Variants in PLCG2 observed in about 807,000 individuals in gnomAD.
PLCG2 encodes the protein phospholipase C gamma 2, also known as 1-phosphatidylinositol 4,5-bisphosphate phosphodiesterase gamma-2.
A neutral mutation model predicts 175.6 loss-of-function variants in PLCG2; 69 were observed. That is an observed-to-expected ratio of 0.39 (90% CI 0.32 to 0.48). PLCG2 has a LOEUF of 0.48. PLCG2 is among the 20% of genes least tolerant of loss of function. The pLI, the probability that PLCG2 is intolerant of heterozygous loss-of-function variation, is 0.91. For missense variants in PLCG2, 1,798 were observed against 1,650.9 expected (o/e 1.09, Z -1.54); for synonymous variants, 827 against 624.0 (o/e 1.33, Z -4.85).
At position 81,925,748 on chromosome 16, in the gene PLCG2, C is replaced by G. The variant is rs186631219; in HGVS notation, c.2418-1334C>G. ...ACTAAAAATACAAAAATTAGCCAGG[C>G]ATGGTGGCCCATGCCATAATCCCAG... On this transcript the variant is annotated intron_variant, in intron 22 of 32. Transcript: ENST00000564138. Among the ~76,000 whole-genome samples the G allele has an allele frequency of 2.6e-5, 4 of 152,222 alleles. No homozygotes were observed. In the East Asian group the frequency reaches 7.7e-4, roughly 29 times the overall value.
chr16:81,766,119 G>A (rs1276126302), intron 2 of PLCG2, among the ~76,000 whole-genome samples: 1 of 152,164 alleles, frequency 6.6e-6, no homozygotes, highest in Non-Finnish European at 1.5e-5. Flanking sequence ...CCTGGAGCTG[G>A]TTTGATTTTG....
chr16:81,807,210 TC>T (rs34261675), intron 2 of PLCG2, among the ~76,000 whole-genome samples: 36,249 of 152,096 alleles, frequency 0.24, 5,761 homozygotes, highest in East Asian at 0.74. Context: ...CCATGTCTTG[TC>T]CCAGCGGTGT....
rs533802481 is a variant in PLCG2 at position 81,959,329 on chromosome 16, T to C, written c.*1331T>C. 1.7e-4 allele frequency: 38 copies of C among 222,740 alleles called. No homozygotes were observed. The highest frequency in any genetic ancestry group is 1.7e-3 in the South Asian group (9 of 5,446). 13.8% of individuals were successfully genotyped at this position (222,740 alleles called of 1,614,324 possible). ...AATGCTGGGCTTAGTATGCATGTAC[T>C]GCTGAAAAGCAGGGCAGAACAAATC... On this transcript the variant is annotated 3_prime_UTR_variant, in exon 33 of 33. Coordinates refer to ENST00000564138, the MANE Select transcript of PLCG2 (RefSeq NM_002661.5).
At chr16:81,941,354 GCAGGTTCCTGGACCCACCA>G (rs1910931540) in intron 30 of PLCG2, among the ~76,000 whole-genome samples, 1 of 152,156 alleles carries the variant, frequency 6.6e-6, no homozygotes, top group Non-Finnish European at 1.5e-5. Flanking sequence ...AGAAGAAAGT[GCAGGTTCCTGGACCCACCA>G]CAGGGTGATG....
chr16:81,856,349 C>T (rs909756791), intron 3 of PLCG2, among the ~76,000 whole-genome samples: 1 of 151,920 alleles, frequency 6.6e-6, no homozygotes. Context: ...GTTAAGTAAC[C>T]TCCTGAATGT....
At chr16:81,778,046 A>ACAAACAAACAAAC (rs1567457806), upstream of PLCG2, among the ~76,000 whole-genome samples, 48 of 89,314 alleles carry the variant, frequency 5.4e-4, 1 homozygote, top group East Asian at 1.3e-3. Flanking sequence ...AAAAAAACAA[A>ACAAACAAACAAAC]AAAAAAAACA....
intron 2 of PLCG2, among the ~76,000 whole-genome samples, chr16:81,790,789 T>C (rs991422607): frequency 6.6e-6 from 1 of 151,852 alleles, no homozygotes; most frequent in Non-Finnish European, 1.5e-5. Flanking sequence ...TACTCCAGGG[T>C]AGGGGGCATT....
At chr16:81,882,520 A>G (rs530594527) in intron 8 of PLCG2, among the ~76,000 whole-genome samples, 69 of 152,062 alleles carry the variant, frequency 4.5e-4, no homozygotes, top group South Asian at 1.9e-3. Flanking sequence ...CTCTCCCTCT[A>G]CGGGCGGGTG....
At chr16:81,860,597 T>C (rs1906932781) in intron 5 of PLCG2, among the ~76,000 whole-genome samples, 2 of 152,150 alleles carry the variant, frequency 1.3e-5, no homozygotes, top group African/African-American at 4.8e-5. Context: ...TTAAACTTGC[T>C]TTCTTTATGG....
At chr16:81,954,049 G>T (rs566204755) in intron 31 of PLCG2, among the ~76,000 whole-genome samples, 2 of 152,250 alleles carry the variant, frequency 1.3e-5, no homozygotes, top group Non-Finnish European at 1.5e-5. Context: ...TTGAGACAGG[G>T]TCTCATTGTC....
chr16:81,787,491 G>A (rs58758762), intron 2 of PLCG2, among the ~76,000 whole-genome samples: 299 of 139,756 alleles, frequency 2.1e-3, no homozygotes, highest in African/African-American at 7.5e-3. Context: ...GCCTCCCAAA[G>A]CATTGGGATT....
At chr16:81,919,162 C>G (rs12444459) in intron 19 of PLCG2, among the ~76,000 whole-genome samples, 91,701 of 152,028 alleles carry the variant, frequency 0.6, 28,074 homozygotes, top group East Asian at 0.78. Context: ...TGGTGGGACA[C>G]ATTTGGCCTA....
rs546724071 is a variant in PLCG2, at chr16:81,814,537, A to G, written c.193+28355A>G. 2.0e-4 allele frequency among the ~76,000 whole-genome samples: 31 copies of G among 152,246 alleles called. No homozygotes were observed. The South Asian group carries it at 5.8e-3, about 28-fold the overall frequency. On this transcript the variant is annotated intron_variant, in intron 2 of 32. Transcript: ENST00000564138. ...GTGAAATCCCATCTCTACTAAAACA[A>G]TACGAAAATTAGCCAGGCATGGTGG... is the stretch of plus-strand genomic sequence containing the variant.
At chr16:81,868,805 A>G (rs1050139905) in intron 5 of PLCG2, among the ~76,000 whole-genome samples, 3 of 152,242 alleles carry the variant, frequency 2.0e-5, no homozygotes, top group Non-Finnish European at 2.9e-5. Flanking sequence ...CTCCATGACC[A>G]TTCCTGAAGG....
intron 2 of PLCG2, among the ~76,000 whole-genome samples, chr16:81,792,604 G>A (rs1221241209): frequency 3.3e-5 from 5 of 152,036 alleles, no homozygotes; most frequent in Admixed American, 2.6e-4. Context: ...ATATGGCTGG[G>A]GAGGCCTCAG....
chr16:81,908,881 C>T (rs190020281), intron 17 of PLCG2, among the ~76,000 whole-genome samples: 1 of 152,300 alleles, frequency 6.6e-6, no homozygotes, highest in East Asian at 1.9e-4. Flanking sequence ...CAAGATCTGA[C>T]CCTACTCTTA....
Position 81,895,746 on chromosome 16 carries a change from C to A in PLCG2, c.1073-61C>A, listed in dbSNP as rs989345760. 3.1e-6 allele frequency: 5 copies of A among 1,598,736 alleles called. No individual in the cohort carries two copies. In the African/African-American group the frequency reaches 6.7e-5, roughly 21 times the overall value. On this transcript the variant is annotated intron_variant, in intron 12 of 32. Transcript: ENST00000564138. ...ACTGAACTGGTGTGTGGGCCGGGGG[C>A]TGACCTCGGGGCTGTCAGTGAACAC... is the stretch of plus-strand genomic sequence containing the variant.
At chr16:81,807,512 T>A (rs1904286658) in intron 2 of PLCG2, among the ~76,000 whole-genome samples, 1 of 152,240 alleles carries the variant, frequency 6.6e-6, no homozygotes, top group South Asian at 2.1e-4. Context: ...AACGCCACCA[T>A]AAGAGCTGAC....
intron 9 of PLCG2, chr16:81,883,718 T>C (rs1908209229): frequency 3.5e-6 from 1 of 285,896 alleles, no homozygotes; most frequent in Admixed American, 4.8e-5. Flanking sequence ...GAAGCCTTCC[T>C]TGACTGATGG....
Sources: allele counts gnomAD v4.1 joint callset (sites outside exome capture counted in the v4.1 genomes callset), GRCh38; gene constraint gnomAD v4.1.1; transcripts MANE v1.5; gene names NCBI Gene and HGNC (gene_info 2026-07-23, HGNC 2026-07-21).